NDRG1: variants seen among roughly 807,000 people sequenced by gnomAD.
NDRG1 encodes the protein protein NDRG1.
Under a neutral mutation model 56.9 loss-of-function variants are expected in NDRG1, and 32 were observed. The observed-to-expected ratio is 0.56, with a 90% CI of 0.42 to 0.76. NDRG1 has a LOEUF of 0.76. Among genes scored for constraint, NDRG1 ranks in the 30% least tolerant of loss-of-function variants. NDRG1 has a pLI of 0.00. For missense variants in NDRG1, 507 were observed against 545.7 expected (o/e 0.93, Z 0.71); for synonymous variants, 211 against 204.1 (o/e 1.03, Z -0.29).
intron 15 of NDRG1, 21 bp from the exon 16 acceptor site, chr8:133,239,140 C>G: frequency 6.4e-7 from 1 of 1,551,222 alleles, no homozygotes. Context: ...AAGAGACAGC[C>G]GGTTAGAGGG....
At chr8:133,250,569 G>T in intron 9 of NDRG1, 26 bp from the exon 10 acceptor site, 1 of 1,588,946 alleles carries the variant, frequency 6.3e-7, no homozygotes, top group Non-Finnish European at 8.6e-7. Context: ...TGAGAAGATG[G>T]TCCTCATCGC....
intron 1 of NDRG1, among the ~76,000 whole-genome samples, chr8:133,290,539 T>C (rs1485750744): frequency 1.3e-5 from 2 of 152,156 alleles, no homozygotes; most frequent in African/African-American, 2.4e-5. Context: ...TTAAAGGGAA[T>C]GTTGACAATG....
intron 1 of NDRG1, chr8:133,284,795 G>A (rs1180089857): frequency 8.7e-6 from 4 of 457,226 alleles, no homozygotes; most frequent in Non-Finnish European, 1.8e-5. Flanking sequence ...CTCACAGTTA[G>A]CCCTAACAGA....
intron 3 of NDRG1, among the ~76,000 whole-genome samples, chr8:133,269,191 G>C (rs1040522270): frequency 6.6e-6 from 1 of 152,104 alleles, no homozygotes; most frequent in Non-Finnish European, 1.5e-5. Flanking sequence ...TGCCTGTCTC[G>C]AAGCTCATGA....
chr8:133,264,865 C>T (rs1044106053), intron 3 of NDRG1: 1 of 612,982 alleles, frequency 1.6e-6, no homozygotes, highest in African/African-American at 1.8e-5. Context: ...GGGACAGAGG[C>T]CTGGCTCAGA....
intron 3 of NDRG1, among the ~76,000 whole-genome samples, chr8:133,274,550 G>A (rs549506385): frequency 1.3e-5 from 2 of 152,208 alleles, no homozygotes; most frequent in Non-Finnish European, 2.9e-5. Flanking sequence ...AAGCAGGTAA[G>A]AAACCAACTA....
At chr8:133,278,959 C>T (rs1415355533) in intron 3 of NDRG1, among the ~76,000 whole-genome samples, 3 of 149,582 alleles carry the variant, frequency 2.0e-5, no homozygotes, top group South Asian at 2.1e-4. Flanking sequence ...GACGTGGTCT[C>T]AGCTCACTGC....
rs1318538085 is a variant in NDRG1 at position 133,267,936 on chromosome 8, G to T, written c.100-3284C>A. Among the ~76,000 whole-genome samples, 7 of 152,276 alleles carry T rather than the reference G, an allele frequency of 4.6e-5. No individual in the cohort carries two copies. In the East Asian group the frequency reaches 1.4e-3, roughly 30 times the overall value. On this transcript the variant is annotated intron_variant, in intron 3 of 15. Coordinates refer to ENST00000323851, the MANE Select transcript of NDRG1 (RefSeq NM_006096.4). ...GGTACTAATGTGGCAGCAGGTATGG[G>T]ACACGCCACCCCAGCTGGCATCAAG... is the stretch of plus-strand genomic sequence containing the variant.
Position 133,264,612 on chromosome 8 carries a change from G to GT in NDRG1, c.139dup (p.Thr47AsnfsTer18). On this transcript the variant is annotated frameshift_variant, in exon 4 of 16. Coordinates refer to ENST00000323851, the MANE Select transcript of NDRG1 (RefSeq NM_006096.4). LOFTEE classifies it high-confidence loss of function. ...GTTTCCCTTGGGAGTCCCACACAGC[G>GT]TGACGTGAACAGAGCCATGTAAAGT... 1 of 1,614,222 alleles carries GT rather than the reference G, an allele frequency of 6.2e-7. No individual in the cohort carries two copies. The highest frequency in any genetic ancestry group is 8.5e-7 in the Non-Finnish European group (1 of 1,180,046).
chr8:133,282,238 G>A (rs1857850387), intron 2 of NDRG1, among the ~76,000 whole-genome samples: 1 of 152,192 alleles, frequency 6.6e-6, no homozygotes, highest in Admixed American at 6.5e-5. Flanking sequence ...TGCCACTTCT[G>A]AGAACTTTTT....
At chr8:133,272,325 C>A (rs1857233716) in intron 3 of NDRG1, among the ~76,000 whole-genome samples, 1 of 152,218 alleles carries the variant, frequency 6.6e-6, no homozygotes, top group Non-Finnish European at 1.5e-5. Flanking sequence ...CAGACCCCAT[C>A]ATCCATGGAG....
Position 133,280,284 on chromosome 8 carries a change from A to C in NDRG1, c.64-17T>G, listed in dbSNP as rs747862658. ...GGTGATGGTCTGTGAAAAGACAAAAAAAATTGTCAATTTCATCTGTTTTCT... is the reference window on the plus strand; with the variant it reads ...GGTGATGGTCTGTGAAAAGACAAAACAAATTGTCAATTTCATCTGTTTTCT... On this transcript the variant is annotated splice_polypyrimidine_tract_variant and intron_variant, in intron 2 of 15. Coordinates refer to ENST00000323851, the MANE Select transcript of NDRG1 (RefSeq NM_006096.4). 1 of 1,613,772 alleles carries C rather than the reference A, an allele frequency of 6.2e-7. No individual in the cohort carries two copies. Among genetic ancestry groups the C allele is most frequent in the Admixed American group, 1.7e-5 (1 of 60,034 alleles).
At position 133,238,876 on chromosome 8, in the gene NDRG1, G is replaced by A. The variant is rs200367524; in HGVS notation, c.*2C>T. 245 of 1,551,806 alleles carry A rather than the reference G, an allele frequency of 1.6e-4. 1 individual carries two copies. In the East Asian group the frequency reaches 4.0e-3, roughly 26 times the overall value. ...TCCGGGGGCGGCAGCTGGGCAGGCC[G>A]CCTAGCAGGAGACCTCCATGGACTT... On this transcript the variant is annotated 3_prime_UTR_variant, in exon 16 of 16. Transcript: ENST00000323851.
chr8:133,239,717 G>A (rs1450288932), intron 15 of NDRG1: 4 of 161,608 alleles, frequency 2.5e-5, no homozygotes, highest in Non-Finnish European at 4.1e-5. Flanking sequence ...CACATGGCAC[G>A]TGCAAGTGGC....
intron 12 of NDRG1, 48 bp downstream of exon 12, chr8:133,247,827 C>T (rs776350261): frequency 1.9e-6 from 3 of 1,601,808 alleles, no homozygotes; most frequent in African/African-American, 2.7e-5. Context: ...GTCAACCAGA[C>T]TTTGCCTGTT....
chr8:133,264,880 G>A (rs932208626), intron 3 of NDRG1: 36 of 577,690 alleles, frequency 6.2e-5, no homozygotes, highest in South Asian at 2.5e-4. Context: ...CTCAGACTGC[G>A]CTGTTAAATG....
intron 15 of NDRG1, chr8:133,239,923 G>A (rs942287291): frequency 6.6e-6 from 1 of 152,322 alleles, no homozygotes; most frequent in Non-Finnish European, 1.5e-5. Context: ...GGTTGAGAGG[G>A]AACCCTAAAC....
chr8:133,296,323 C>T (rs1194291568), intron 1 of NDRG1, among the ~76,000 whole-genome samples: 3 of 152,144 alleles, frequency 2.0e-5, no homozygotes, highest in Non-Finnish European at 4.4e-5. Context: ...GCTCAAGGGG[C>T]CGCCAAATGT....
At position 133,256,819 on chromosome 8, in the gene NDRG1, C is replaced by T. The variant is rs750105418; in HGVS notation, c.495G>A (p.Val165=). 6.2e-7 allele frequency: 1 copy of T among 1,614,190 alleles called. No homozygotes were observed. The highest frequency in any genetic ancestry group is 2.2e-5 in the East Asian group (1 of 44,878). ...EMVEGLVLIN[V]NPCAEGWMDW... ...CCATCCAGCCTTCCGCACAAGGGTT[C>T]ACGTTGATAAGGACAAGGCCCTCCA... The change falls in exon 8 of 16, where the codon GTG becomes GTA. Residue 165 remains valine (V), a synonymous_variant. Coordinates refer to ENST00000323851, the MANE Select transcript of NDRG1 (RefSeq NM_006096.4).
Sources: allele counts gnomAD v4.1 joint callset (sites outside exome capture counted in the v4.1 genomes callset), GRCh38; gene constraint gnomAD v4.1.1; transcripts MANE v1.5; gene names NCBI Gene and HGNC (gene_info 2026-07-23, HGNC 2026-07-21).